The following AKR1A1 variants were observed in gnomAD, a reference collection of about 807,000 sequenced individuals.
AKR1A1 encodes the protein HEL-S-165mP.
Under a neutral mutation model 39.2 loss-of-function variants are expected in AKR1A1, and 26 were observed. The ratio of observed to expected loss-of-function variants is 0.66; its 90% confidence interval spans 0.49 to 0.92. AKR1A1 has a LOEUF of 0.92. Ranked by LOEUF, AKR1A1 falls within the 40% of genes least tolerant of loss-of-function variation. The pLI is 0.00. For missense variants in AKR1A1, 378 were observed against 406.5 expected (o/e 0.93, Z 0.60); for synonymous variants, 141 against 155.5 (o/e 0.91, Z 0.69).
intron 2 of AKR1A1, among the ~76,000 whole-genome samples, chr1:45,562,750 TC>T (rs1369722745): frequency 7.9e-5 from 12 of 152,040 alleles, no homozygotes; most frequent in African/African-American, 2.9e-4. Flanking sequence ...CCTCAGGAGA[TC>T]CACCTGCCTT....
intron 1 of AKR1A1, among the ~76,000 whole-genome samples, chr1:45,551,758 C>A (rs1035655117): frequency 3.9e-5 from 6 of 152,186 alleles, no homozygotes; most frequent in Non-Finnish European, 7.3e-5. Flanking sequence ...AATACAGGAG[C>A]AATCTCAGTA....
intron 1 of AKR1A1, among the ~76,000 whole-genome samples, chr1:45,551,774 C>A (rs1313428274): frequency 6.6e-6 from 1 of 152,212 alleles, no homozygotes; most frequent in Non-Finnish European, 1.5e-5. Flanking sequence ...CAGTATGATT[C>A]TATCTGGTCC....
intron 1 of AKR1A1, among the ~76,000 whole-genome samples, chr1:45,551,976 A>G (rs1296359849): frequency 1.4e-5 from 2 of 137,980 alleles, no homozygotes; most frequent in Admixed American, 1.5e-4. Flanking sequence ...TGTATTGTGT[A>G]CATTGTATGT....
intron 1 of AKR1A1, among the ~76,000 whole-genome samples, chr1:45,557,607 A>C (rs1230105620): frequency 1.3e-5 from 2 of 152,138 alleles, no homozygotes; most frequent in African/African-American, 2.4e-5. Flanking sequence ...CGTGCTGGGT[A>C]ATCTGCGAGA....
chr1:45,553,844 A>G (rs932356741), intron 1 of AKR1A1, among the ~76,000 whole-genome samples: 1 of 151,730 alleles, frequency 6.6e-6, no homozygotes, highest in Non-Finnish European at 1.5e-5. Flanking sequence ...AATACAAAAA[A>G]ATTAGCTGGG....
intron 4 of AKR1A1, 142 bp downstream of exon 4, chr1:45,567,162 C>T (rs921183264): frequency 3.5e-6 from 4 of 1,149,656 alleles, no homozygotes; most frequent in South Asian, 3.1e-5. Context: ...GGGATCTTAG[C>T]CTCTTCTGCT....
At chr1:45,560,333 C>A (rs1644261884) in intron 1 of AKR1A1, among the ~76,000 whole-genome samples, 1 of 152,136 alleles carries the variant, frequency 6.6e-6, no homozygotes, top group Non-Finnish European at 1.5e-5. Context: ...AATTAAAGAT[C>A]TGGATATGGT....
rs1185234656 is a variant in AKR1A1 at position 45,569,014 on chromosome 1, G to C, written c.825+15G>C. The C allele has an allele frequency of 1.2e-6, 2 of 1,613,406 alleles. No individual in the cohort carries two copies. Among genetic ancestry groups the C allele is most frequent in the African/African-American group, 2.7e-5 (2 of 74,882 alleles). The stretch of plus-strand genomic sequence containing the variant: ...AGAACATCAAGGTACTTGGTAATGG[G>C]TTCTATCTTCTTTAGCTCTTTGGGA... On this transcript the variant is annotated intron_variant, in intron 7 of 8. Coordinates refer to ENST00000351829, the MANE Select transcript of AKR1A1 (RefSeq NM_153326.3).
Position 45,568,612 on chromosome 1 carries a change from T to C in AKR1A1, c.680T>C (p.Val227Ala). The change falls in exon 6 of 9, where the codon GTC becomes GCC. Residue 227 changes from valine (V) to alanine (A), a missense_variant. Physicochemically the swap from Val to Ala is moderately conservative, Grantham distance 64. Coordinates refer to ENST00000351829, the MANE Select transcript of AKR1A1 (RefSeq NM_153326.3). ...GCATGGCGTGATCCTGATGAGCCTG[T>C]CCTGCTGGAGGAACCAGTAGTCCTG... ...DRAWRDPDEP[V>A]LLEEPVVLAL... 6.2e-7 allele frequency: 1 copy of C among 1,614,012 alleles called. No individual in the cohort carries two copies. Among genetic ancestry groups the C allele is most frequent in the Non-Finnish European group, 8.5e-7 (1 of 1,179,968 alleles).
At chr1:45,558,209 C>G (rs571171498) in intron 1 of AKR1A1, among the ~76,000 whole-genome samples, 7 of 151,468 alleles carry the variant, frequency 4.6e-5, no homozygotes, top group African/African-American at 1.7e-4. Flanking sequence ...AGCCACTGTA[C>G]CCAGCCTCAA....
intron 1 of AKR1A1, among the ~76,000 whole-genome samples, chr1:45,552,271 T>G (rs2148287068): frequency 6.6e-6 from 1 of 152,000 alleles, no homozygotes; most frequent in Middle Eastern, 3.4e-3. Context: ...AGCCTCAAAC[T>G]TCTGGGCTCA....
intron 1 of AKR1A1, among the ~76,000 whole-genome samples, chr1:45,559,634 C>CTT (rs71056306): frequency 1.9e-4 from 14 of 73,148 alleles, no homozygotes; most frequent in African/African-American, 2.3e-4. Flanking sequence ...CTTTTCTTTT[C>CTT]TTTTTTTTTT....
chr1:45,566,803 A>C lies in AKR1A1; in HGVS notation c.205-66A>C, dbSNP rs1011235536. 9 of 1,596,340 alleles carry C rather than the reference A, an allele frequency of 5.6e-6. No individual in the cohort carries two copies. In the African/African-American group the frequency reaches 8.0e-5, roughly 14 times the overall value. ...AGCTTCCTTCCAGTTCCTCTCCCAG[A>C]GTTGAGGGTGGGTGAGACCACGTGC... is the stretch of plus-strand genomic sequence containing the variant. On this transcript the variant is annotated intron_variant, in intron 3 of 8. Coordinates refer to ENST00000351829, the MANE Select transcript of AKR1A1 (RefSeq NM_153326.3).
chr1:45,561,221 G>C (rs1000185295), intron 1 of AKR1A1, among the ~76,000 whole-genome samples: 1 of 152,124 alleles, frequency 6.6e-6, no homozygotes, highest in Non-Finnish European at 1.5e-5. Flanking sequence ...TTTAGATAGT[G>C]CAGTTCTTTA....
At chr1:45,567,135 G>C (rs773867544) in intron 4 of AKR1A1, 115 bp downstream of exon 4, 10 of 1,395,924 alleles carry the variant, frequency 7.2e-6, no homozygotes, top group Non-Finnish European at 9.7e-6. Context: ...TGCATGCCAA[G>C]CTGAGGAGCT....
chr1:45,567,983 C>A lies in AKR1A1; in HGVS notation c.358C>A (p.Arg120=). 6.2e-7 allele frequency: 1 copy of A among 1,609,626 alleles called. No homozygotes were observed. Among genetic ancestry groups the A allele is most frequent in the Non-Finnish European group, 8.5e-7 (1 of 1,177,222 alleles). The change falls in exon 5 of 9, where the codon CGG becomes AGG. Residue 120 remains arginine (R), a splice_region_variant and synonymous_variant. Coordinates refer to ENST00000351829, the MANE Select transcript of AKR1A1 (RefSeq NM_153326.3). ...YLMHWPYAFE[R]GDNPFPKNAD... ...TTGGTGGGGCTGTCTCTCACTCAGG[C>A]GGGGAGACAACCCCTTCCCCAAGAA... is the stretch of plus-strand genomic sequence containing the variant.
At chr1:45,551,267 G>A (rs927629166) in intron 1 of AKR1A1, 112 bp downstream of exon 1, 9 of 152,116 alleles carry the variant, frequency 5.9e-5, no homozygotes, top group Admixed American at 1.3e-4. Flanking sequence ...GCACTGGAGG[G>A]GACGAGACTT....
At chr1:45,557,912 CTTT>C (rs67386168) in intron 1 of AKR1A1, among the ~76,000 whole-genome samples, 2 of 112,194 alleles carry the variant, frequency 1.8e-5, no homozygotes. Context: ...CACAACTTGT[CTTT>C]TTTTTTTTTT....
At chr1:45,568,422 C>G in intron 5 of AKR1A1, 63 bp from the exon 6 acceptor site, 1 of 1,576,858 alleles carries the variant, frequency 6.3e-7, no homozygotes, top group Non-Finnish European at 8.7e-7. Flanking sequence ...ACATGCATGT[C>G]TGGGATGGGC....
Sources: allele counts gnomAD v4.1 joint callset (sites outside exome capture counted in the v4.1 genomes callset), GRCh38; gene constraint gnomAD v4.1.1; transcripts MANE v1.5; gene names NCBI Gene and HGNC (gene_info 2026-07-23, HGNC 2026-07-21).